The following NRXN1 variants were observed in gnomAD, a reference collection of about 807,000 sequenced individuals.
NRXN1 encodes neurexin-1.
NRXN1 carries 39 observed loss-of-function variants against 150.9 expected under a neutral mutation model. The observed-to-expected ratio is 0.26, with a 90% CI of 0.20 to 0.34. The LOEUF (loss-of-function observed/expected upper bound fraction) is 0.34, where lower values mean the gene tolerates loss of function less well. NRXN1 is among the 10% of genes least tolerant of loss of function. NRXN1 has a pLI of 1.00. For synonymous variants in NRXN1, 924 were observed against 757.0 expected (o/e 1.22, Z -3.62); for missense variants, 1,815 against 1,949.9 (o/e 0.93, Z 1.30).
intron 17 of NRXN1, among the ~76,000 whole-genome samples, chr2:50,304,589 C>A (rs1052096886): frequency 6.6e-6 from 1 of 152,136 alleles, no homozygotes; most frequent in African/African-American, 2.4e-5. Flanking sequence ...AATGTCCCTC[C>A]TTTTTACTTG....
chr2:50,337,646 C>A (rs1019759868), intron 17 of NRXN1, among the ~76,000 whole-genome samples: 11 of 152,214 alleles, frequency 7.2e-5, no homozygotes, highest in African/African-American at 2.6e-4. Flanking sequence ...CCATTTACTA[C>A]CATTTTATGT....
At chr2:50,333,970 G>A (rs961057631) in intron 17 of NRXN1, among the ~76,000 whole-genome samples, 10 of 151,838 alleles carry the variant, frequency 6.6e-5, no homozygotes, top group African/African-American at 2.4e-4. Context: ...GCAGATGCAG[G>A]ACTTTTAACA....
At chr2:50,671,575 A>G (rs1166011142) in intron 5 of NRXN1, among the ~76,000 whole-genome samples, 4 of 151,730 alleles carry the variant, frequency 2.6e-5, no homozygotes, top group African/African-American at 9.7e-5. Flanking sequence ...CACTTTTTAT[A>G]ACTAAATATA....
intron 5 of NRXN1, among the ~76,000 whole-genome samples, chr2:50,703,395 G>C (rs1559145099): frequency 6.6e-6 from 1 of 152,132 alleles, no homozygotes; most frequent in African/African-American, 2.4e-5. Flanking sequence ...TATCCAGATG[G>C]CACTCAAGGG....
chr2:50,628,506 C>T (rs1420149817), intron 5 of NRXN1, among the ~76,000 whole-genome samples: 1 of 151,510 alleles, frequency 6.6e-6, no homozygotes, highest in African/African-American at 2.4e-5. Context: ...CATGAAAATA[C>T]AAAAATCACT....
chr2:50,374,153 C>T (rs993752330), intron 17 of NRXN1, among the ~76,000 whole-genome samples: 2 of 151,410 alleles, frequency 1.3e-5, no homozygotes, highest in Admixed American at 6.6e-5. Flanking sequence ...AAAAAATAGC[C>T]GGCTGTAGTG....
chr2:50,334,171 C>G (rs1291136425), intron 17 of NRXN1, among the ~76,000 whole-genome samples: 1 of 109,552 alleles, frequency 9.1e-6, no homozygotes, highest in Non-Finnish European at 1.8e-5. Context: ...TTGCTACTGC[C>G]TTTCCTTAAG....
At chr2:50,887,547 TAA>T (rs1239432980) in intron 5 of NRXN1, among the ~76,000 whole-genome samples, 3 of 151,474 alleles carry the variant, frequency 2.0e-5, no homozygotes, top group African/African-American at 7.2e-5. Flanking sequence ...AATGGCTCAC[TAA>T]AGTCTTTAGT....
chr2:50,473,251 A>G (rs2104715385), intron 15 of NRXN1, among the ~76,000 whole-genome samples: 1 of 151,934 alleles, frequency 6.6e-6, no homozygotes, highest in South Asian at 2.1e-4. Flanking sequence ...ACAAATTTTC[A>G]ACTTATTTTT....
intron 12 of NRXN1, among the ~76,000 whole-genome samples, chr2:50,510,844 C>T (rs2092426890): frequency 3.9e-5 from 6 of 152,066 alleles, no homozygotes; most frequent in Admixed American, 3.9e-4. Context: ...TGAATGCCCC[C>T]AGCTAATATT....
At chr2:50,288,759 G>T (rs902111638) in intron 17 of NRXN1, among the ~76,000 whole-genome samples, 1 of 152,146 alleles carries the variant, frequency 6.6e-6, no homozygotes, top group Non-Finnish European at 1.5e-5. Context: ...CCTCCCACCA[G>T]TCCTTCTCAG....
intron 21 of NRXN1, among the ~76,000 whole-genome samples, chr2:50,007,005 T>C (rs893695164): frequency 2.0e-5 from 3 of 152,042 alleles, no homozygotes; most frequent in African/African-American, 2.4e-5. Flanking sequence ...GATGGTGAGA[T>C]TGCATGACCT....
At chr2:50,181,819 T>C (rs186096097) in intron 18 of NRXN1, among the ~76,000 whole-genome samples, 5 of 152,214 alleles carry the variant, frequency 3.3e-5, no homozygotes, top group African/African-American at 7.2e-5. Context: ...CACCACAAAA[T>C]TGATAATTCC....
intron 2 of NRXN1, among the ~76,000 whole-genome samples, chr2:50,937,544 AAGG>A (rs1025030335): frequency 6.6e-6 from 1 of 152,204 alleles, no homozygotes; most frequent in African/African-American, 2.4e-5. Context: ...AAATAAACTG[AAGG>A]AGTTTAGTAT....
intron 17 of NRXN1, among the ~76,000 whole-genome samples, chr2:50,249,531 T>A (rs1367529496): frequency 1.3e-5 from 2 of 152,140 alleles, no homozygotes; most frequent in African/African-American, 4.8e-5. Context: ...TTACTATGTA[T>A]AAAGCACCAT....
chr2:51,002,099 C>T (rs1372221239), intron 2 of NRXN1, among the ~76,000 whole-genome samples: 2 of 151,968 alleles, frequency 1.3e-5, no homozygotes, highest in African/African-American at 4.8e-5. Flanking sequence ...ACAAAATACA[C>T]AGGTTTAACT....
chr2:50,353,048 G>A (rs2078539825), intron 17 of NRXN1, among the ~76,000 whole-genome samples: 1 of 151,994 alleles, frequency 6.6e-6, no homozygotes, highest in African/African-American at 2.4e-5. Context: ...GGATCAAGAT[G>A]AGCCAATGCG....
At chr2:50,431,014 CCT>C (rs1202812822) in intron 17 of NRXN1, among the ~76,000 whole-genome samples, 1 of 152,130 alleles carries the variant, frequency 6.6e-6, no homozygotes, top group East Asian at 1.9e-4. Context: ...CATGCCTCAA[CCT>C]CTCTCTACTC....
At chr2:50,032,040 T>C (rs1011009598) in intron 21 of NRXN1, among the ~76,000 whole-genome samples, 1 of 152,056 alleles carries the variant, frequency 6.6e-6, no homozygotes, top group Non-Finnish European at 1.5e-5. Flanking sequence ...AATATATCAA[T>C]ATGTGTTTTC....
Sources: gnomAD v4.1 joint callset for allele counts (sites outside exome capture counted in the v4.1 genomes callset) on GRCh38, gnomAD v4.1.1 for gene constraint, MANE v1.5 for transcripts, NCBI Gene and HGNC (gene_info 2026-07-23, HGNC 2026-07-21) for gene names.